DAB2IP: variants seen among roughly 807,000 people sequenced by gnomAD.
The protein encoded by DAB2IP is DAB2 interacting protein.
Under a neutral mutation model 107.2 loss-of-function variants are expected in DAB2IP, and 28 were observed. The observed-to-expected ratio is 0.26, with a 90% confidence interval of 0.19 to 0.36. The LOEUF (loss-of-function observed/expected upper bound fraction) is 0.36. Among genes scored for constraint, DAB2IP ranks in the 10% least tolerant of loss-of-function variants. DAB2IP has a pLI of 1.00. For missense variants in DAB2IP, 1,400 were observed against 1,644.7 expected (o/e 0.85, Z 2.57); for synonymous variants, 755 against 706.4 (o/e 1.07, Z -1.09).
chr9:121,773,604 G>A (rs1291958682), intron 12 of DAB2IP, 109 bp downstream of exon 12: 2 of 1,277,072 alleles, frequency 1.6e-6, no homozygotes, highest in East Asian at 3.0e-5. Context: ...CCCTCACCCA[G>A]CTGCCATCCC....
chr9:121,588,894 T>C (rs1285030119), intron 1 of DAB2IP, among the ~76,000 whole-genome samples: 1 of 151,612 alleles, frequency 6.6e-6, no homozygotes, highest in Non-Finnish European at 1.5e-5. Flanking sequence ...GGACTACTTC[T>C]AGCAGCCTCC....
At position 121,707,865 on chromosome 9, in the gene DAB2IP, C is replaced by T. The variant is rs1388080644; in HGVS notation, c.362+8407C>T. Among the ~76,000 whole-genome samples the T allele has an allele frequency of 2.0e-5, 3 of 152,308 alleles. No homozygotes were observed. The East Asian group carries it at 5.8e-4, about 29-fold the overall frequency. ...GATTAATAGATTGTTCCCAGCCCCACCCCCTCTGCTTCTTACTCCCGTTTG... is the reference window on the plus strand; with the variant it reads ...GATTAATAGATTGTTCCCAGCCCCATCCCCTCTGCTTCTTACTCCCGTTTG... On this transcript the variant is annotated intron_variant, in intron 3 of 15. Coordinates refer to ENST00000408936, the Ensembl canonical transcript of DAB2IP.
At chr9:121,580,270 G>A (rs1830161313) in intron 1 of DAB2IP, among the ~76,000 whole-genome samples, 1 of 152,156 alleles carries the variant, frequency 6.6e-6, no homozygotes, top group Non-Finnish European at 1.5e-5. Context: ...GCATGAGGCT[G>A]GGTCTCTGCT....
At chr9:121,763,214 T>C (rs1244602603) in intron 6 of DAB2IP, among the ~76,000 whole-genome samples, 2 of 151,994 alleles carry the variant, frequency 1.3e-5, no homozygotes, top group Non-Finnish European at 2.9e-5. Context: ...TTCTCTGTGG[T>C]GGTGGGGGCT....
At chr9:121,640,877 C>T (rs1425401055) in intron 1 of DAB2IP, among the ~76,000 whole-genome samples, 1 of 152,198 alleles carries the variant, frequency 6.6e-6, no homozygotes, top group Non-Finnish European at 1.5e-5. Context: ...TTCATACTTT[C>T]TCAGGGCAAT....
chr9:121,651,130 T>C (rs982267286), upstream of DAB2IP, among the ~76,000 whole-genome samples: 8 of 152,166 alleles, frequency 5.3e-5, no homozygotes, highest in Non-Finnish European at 1.2e-4. This position sits in a 1 kb window ranked among gnomAD's most constrained non-coding sequence, Gnocchi z 5.1. Context: ...TTTAATTACA[T>C]AAAAATGATA....
rs188184540 is a variant in DAB2IP, at chr9:121,783,605, C to T, written c.*1107C>T. ...AGGGGCCTTTTAAGTTGAGCGTGCG[C>T]ACTGCATGGGAAATAGCGGCCCTGG... On this transcript the variant is annotated 3_prime_UTR_variant, in exon 16 of 16. Coordinates refer to ENST00000408936, the Ensembl canonical transcript of DAB2IP. The T allele has an allele frequency of 1.5e-4, 234 of 1,598,208 alleles. No individual in the cohort carries two copies. The East Asian group carries it at 2.0e-3, about 14-fold the overall frequency.
rs1830626686 is a variant in DAB2IP at position 121,599,697 on chromosome 9, T to C, written c.40+32469T>C. Among the ~76,000 whole-genome samples, 1 of 151,850 alleles carries C rather than the reference T, an allele frequency of 6.6e-6. No individual in the cohort carries two copies. The stretch of plus-strand genomic sequence containing the variant: ...CCGCGACTCCGCCGCTTCGCAACCC[T>C]GGCCCTGGGCCGCTCAGGCTCCGGA... On this transcript the variant is annotated intron_variant, in intron 1 of 16. Transcript: ENST00000259371. The surrounding 1 kb of genome is among the most constrained non-coding windows in gnomAD (Gnocchi z 6.9).
intron 1 of DAB2IP, among the ~76,000 whole-genome samples, chr9:121,568,325 C>T (rs12380661): frequency 0.29 from 44,397 of 151,990 alleles, 7,793 homozygotes; most frequent in South Asian, 0.5. Flanking sequence ...TTGGCAAGGC[C>T]CAGCCCACAG....
chr9:121,739,068 A>AT (rs1185044204), intron 3 of DAB2IP, among the ~76,000 whole-genome samples: 8 of 152,254 alleles, frequency 5.3e-5, no homozygotes, highest in Non-Finnish European at 1.0e-4. Flanking sequence ...TTGCACTTAA[A>AT]TATTTGCTAG....
intron 1 of DAB2IP, among the ~76,000 whole-genome samples, chr9:121,613,484 C>T (rs1287312291): frequency 6.6e-6 from 1 of 152,108 alleles, no homozygotes; most frequent in Non-Finnish European, 1.5e-5. Flanking sequence ...AGGAAGTGGC[C>T]CGGTGCCTTT....
In DAB2IP at chr9:121,627,133, A is replaced by ACACT. The variant is rs1356834157; in HGVS notation, c.41-51542_41-51541insTCAC. Among the ~76,000 whole-genome samples, 29 of 51,214 alleles carry ACACT rather than the reference A, an allele frequency of 5.7e-4. No homozygotes were observed. In the East Asian group the frequency reaches 8.5e-3, roughly 15 times the overall value. 33.6% of individuals were successfully genotyped at this position (51,214 alleles called of 152,430 possible). A position where few individuals can be genotyped will look rare whatever the true frequency, so the allele number is the denominator to read the frequency against. On this transcript the variant is annotated intron_variant, in intron 1 of 16. Transcript: ENST00000259371. ...TCACCCCTACTCAACACACACACAC[A>ACACT]CACACACTCACACACACACACACAC...
At chr9:121,752,677 T>C (rs1833206696) in intron 3 of DAB2IP, among the ~76,000 whole-genome samples, 1 of 152,178 alleles carries the variant, frequency 6.6e-6, no homozygotes, top group Admixed American at 6.5e-5. Context: ...GTGGGCCTGG[T>C]CAGGTGGAGC....
chr9:121,644,222 G>A (rs78304921), intron 1 of DAB2IP, among the ~76,000 whole-genome samples: 12,323 of 113,194 alleles, frequency 0.11, 1,679 homozygotes, highest in African/African-American at 0.33. Flanking sequence ...GAAGAGGAAG[G>A]GGAAGGGGAA....
intron 3 of DAB2IP, among the ~76,000 whole-genome samples, chr9:121,738,115 T>C (rs1832058152): frequency 6.6e-6 from 1 of 152,158 alleles, no homozygotes. Context: ...GTGGGGCACC[T>C]GGAAGGTGGG....
chr9:121,627,256 C>T (rs773224249), intron 1 of DAB2IP, among the ~76,000 whole-genome samples: 2 of 152,060 alleles, frequency 1.3e-5, no homozygotes, highest in Non-Finnish European at 2.9e-5. Context: ...TCCACGGTGT[C>T]GGTATACACA....
chr9:121,578,133 C>T (rs1830107425), intron 1 of DAB2IP, among the ~76,000 whole-genome samples: 1 of 152,052 alleles, frequency 6.6e-6, no homozygotes, highest in Non-Finnish European at 1.5e-5. Context: ...GGGTGGCTGT[C>T]CCCCAAACCC....
In DAB2IP at chr9:121,699,093, C is replaced by T. The variant is rs1829593997; in HGVS notation, c.229-232C>T. Among the ~76,000 whole-genome samples, 1 of 145,770 alleles carries T rather than the reference C, an allele frequency of 6.9e-6. No homozygotes were observed. The highest frequency in any genetic ancestry group is 2.5e-5 in the African/African-American group (1 of 40,528). Reference sequence around the variant, plus strand: ...GCCAAGGCAACAGCGGCTTAGGGGGCGGGGGCGACGTGGCGGGCGGGGTGG... The same window carrying T: ...GCCAAGGCAACAGCGGCTTAGGGGGTGGGGGCGACGTGGCGGGCGGGGTGG... On this transcript the variant is annotated intron_variant, in intron 2 of 15. Coordinates refer to ENST00000408936, the Ensembl canonical transcript of DAB2IP. The surrounding 1 kb of genome is among the most constrained non-coding windows in gnomAD (Gnocchi z 6.2).
chr9:121,764,012 C>G, intron 8 of DAB2IP, 133 bp downstream of exon 8: 1 of 1,262,404 alleles, frequency 7.9e-7, no homozygotes, highest in African/African-American at 1.5e-5. Context: ...GGCCTAGTCC[C>G]TTTTGAGCTC....
Sources: allele counts gnomAD v4.1 joint callset (sites outside exome capture counted in the v4.1 genomes callset), GRCh38; gene constraint gnomAD v4.1.1; non-coding constraint Gnocchi (gnomAD v3.1); transcripts MANE v1.5; gene names NCBI Gene and HGNC (gene_info 2026-07-23, HGNC 2026-07-21).